Variants in EYS observed in about 807,000 individuals in gnomAD.
The protein encoded by EYS is protein eyes shut homolog.
Under a neutral mutation model 282.1 loss-of-function variants are expected in EYS, and 250 were observed. The ratio of observed to expected loss-of-function variants is 0.89; its 90% CI spans 0.80 to 0.98. EYS has a LOEUF of 0.98. Ranked by LOEUF, EYS falls within the 50% of genes least tolerant of loss-of-function variation. The pLI is 0.00. For missense variants in EYS, 4,016 were observed against 3,709.0 expected (o/e 1.08, Z -2.15); for synonymous variants, 1,355 against 1,282.9 (o/e 1.06, Z -1.20).
rs541639540 is a variant in EYS, at chr6:64,755,415, C to A, written c.3443+57963G>T. On this transcript the variant is annotated intron_variant, in intron 22 of 42. Transcript: ENST00000503581. ...TATTGATTTTCAAGGAATTGAAAGT[C>A]CTGAAATTCTTATGGAACCAAAACA... 4.0e-5 allele frequency among the ~76,000 whole-genome samples: 6 copies of A among 151,472 alleles called. No individual in the cohort carries two copies. The East Asian group carries it at 1.2e-3, about 30-fold the overall frequency.
At chr6:64,843,251 C>T (rs1261924770) in intron 19 of EYS, among the ~76,000 whole-genome samples, 1 of 152,094 alleles carries the variant, frequency 6.6e-6, no homozygotes, top group Non-Finnish European at 1.5e-5. Flanking sequence ...ACCCCCCACA[C>T]AGAACCCATA....
chr6:65,487,094 T>C (rs1437157602), intron 5 of EYS, among the ~76,000 whole-genome samples: 1 of 152,204 alleles, frequency 6.6e-6, no homozygotes, highest in Admixed American at 6.5e-5. Flanking sequence ...TGGGGTTTTC[T>C]AGATATACAA....
chr6:64,076,612 G>C (rs1771779133), intron 32 of EYS, among the ~76,000 whole-genome samples: 1 of 151,782 alleles, frequency 6.6e-6, no homozygotes, highest in South Asian at 2.1e-4. Flanking sequence ...CCTTTTGCTT[G>C]GCTGTCATTC....
At chr6:65,607,647 A>T (rs1200755785) in intron 2 of EYS, among the ~76,000 whole-genome samples, 3 of 131,184 alleles carry the variant, frequency 2.3e-5, no homozygotes, top group South Asian at 2.3e-4. Context: ...ATATGCAGTT[A>T]TCTGAGATAA....
chr6:64,144,017 G>A (rs1404277607), intron 31 of EYS, among the ~76,000 whole-genome samples: 1 of 152,144 alleles, frequency 6.6e-6, no homozygotes, highest in African/African-American at 2.4e-5. Flanking sequence ...ACAGTTTTCA[G>A]AAGTGTGTTA....
At chr6:64,013,107 G>T (rs1001416067) in intron 33 of EYS, among the ~76,000 whole-genome samples, 6 of 152,070 alleles carry the variant, frequency 3.9e-5, no homozygotes, top group South Asian at 2.1e-4. Context: ...GTGATGTACT[G>T]ATATTAAAAA....
chr6:63,938,392 G>A (rs1345837018), intron 35 of EYS, among the ~76,000 whole-genome samples: 1 of 152,122 alleles, frequency 6.6e-6, no homozygotes, highest in Non-Finnish European at 1.5e-5. Context: ...AAGGAAACAG[G>A]GCTCTGCAGA....
rs563563678 is a variant in EYS, at chr6:64,783,032, A to G, written c.3443+30346T>C. On this transcript the variant is annotated intron_variant, in intron 22 of 42. Coordinates refer to ENST00000503581, the MANE Select transcript of EYS (RefSeq NM_001142800.2). ...GCTTAGTAGTGTGATGAAATCGTGC[A>G]CTGCCCTGTTTAGTCCTGTCTGGGA... Among the ~76,000 whole-genome samples, 27 of 152,274 alleles carry G rather than the reference A, an allele frequency of 1.8e-4. No individual in the cohort carries two copies. The South Asian group carries it at 5.6e-3, about 32-fold the overall frequency.
chr6:63,999,280 G>T (rs1767972520), intron 33 of EYS, 97 bp from the exon 34 acceptor site: 3 of 776,566 alleles, frequency 3.9e-6, no homozygotes, highest in Non-Finnish European at 6.7e-6. Context: ...ATTGAGAGAG[G>T]TACTTTCTGG....
Position 63,997,407 on chromosome 6 carries a change from T to C in EYS, c.6834+1668A>G, listed in dbSNP as rs113922729. 1.3e-4 allele frequency among the ~76,000 whole-genome samples: 20 copies of C among 152,276 alleles called. 1 individual carries two copies. Among genetic ancestry groups the C allele is most frequent in the African/African-American group, 4.8e-4 (20 of 41,552 alleles). On this transcript the variant is annotated intron_variant, in intron 34 of 42. Coordinates refer to ENST00000503581, the MANE Select transcript of EYS (RefSeq NM_001142800.2). Reference sequence around the variant, plus strand: ...TCCACAAGCGTGACCAAATTGAGCTTTGGGGTTAACACAAGTTAGAAGGTA... The same window carrying C: ...TCCACAAGCGTGACCAAATTGAGCTCTGGGGTTAACACAAGTTAGAAGGTA...
intron 26 of EYS, among the ~76,000 whole-genome samples, chr6:64,536,188 C>T (rs910174889): frequency 6.6e-6 from 1 of 151,894 alleles, no homozygotes; most frequent in Non-Finnish European, 1.5e-5. Flanking sequence ...ACTATATTAA[C>T]TAATGATAAA....
At chr6:64,171,724 T>TA (rs1235841844) in intron 31 of EYS, among the ~76,000 whole-genome samples, 4 of 152,106 alleles carry the variant, frequency 2.6e-5, no homozygotes, top group East Asian at 1.9e-4. Context: ...CTCCATAGAT[T>TA]AAAAAAAAGT....
intron 12 of EYS, among the ~76,000 whole-genome samples, chr6:65,275,996 C>CAA (rs1485474496): frequency 6.7e-6 from 1 of 148,650 alleles, no homozygotes; most frequent in African/African-American, 2.4e-5. Flanking sequence ...ACAAAACAAA[C>CAA]AAACAAACAA....
At chr6:64,575,577 A>G (rs1286345864) in intron 26 of EYS, among the ~76,000 whole-genome samples, 2 of 152,118 alleles carry the variant, frequency 1.3e-5, no homozygotes, top group African/African-American at 4.8e-5. Context: ...GATCTAGAGA[A>G]GCATTGGAAG....
intron 29 of EYS, among the ~76,000 whole-genome samples, chr6:64,338,052 C>A (rs1484916191): frequency 6.6e-6 from 1 of 151,956 alleles, no homozygotes; most frequent in African/African-American, 2.4e-5. Flanking sequence ...TGAAAACATT[C>A]TCTCTGAGAA....
chr6:65,126,477 A>G (rs1775721026), intron 12 of EYS, among the ~76,000 whole-genome samples: 1 of 152,134 alleles, frequency 6.6e-6, no homozygotes, highest in African/African-American at 2.4e-5. Context: ...ATCACGTCTA[A>G]TTCTTTGTTG....
chr6:63,789,190 C>G lies in EYS; in HGVS notation c.7446G>C (p.Leu2482=), dbSNP rs1562026948. 6.4e-7 allele frequency: 1 copy of G among 1,551,884 alleles called. No homozygotes were observed. The highest frequency in any genetic ancestry group is 8.7e-7 in the Non-Finnish European group (1 of 1,146,978). The change falls in exon 38 of 43, where the codon CTG becomes CTC. Residue 2482 remains leucine (L), a synonymous_variant. Transcript: ENST00000503581. The stretch of plus-strand genomic sequence containing the variant: ...AACTATAAACCACACTGCCATTGAG[C>G]AGGCCCACAGCCAGGAAGTCATCGC... ...LNGDDFLAVG[L]LNGSVVYSYN... is the part of the protein sequence containing the mutation.
chr6:63,977,098 T>C (rs1422249915), intron 35 of EYS, among the ~76,000 whole-genome samples: 2 of 151,726 alleles, frequency 1.3e-5, no homozygotes, highest in African/African-American at 4.8e-5. Flanking sequence ...TACACAATAA[T>C]TGTGTAAAGG....
intron 35 of EYS, among the ~76,000 whole-genome samples, chr6:63,929,045 T>G (rs1483133049): frequency 6.6e-6 from 1 of 152,148 alleles, no homozygotes; most frequent in Non-Finnish European, 1.5e-5. Context: ...TTCTATTGAG[T>G]CCTGGAAAGA....
Sources: gnomAD v4.1 joint callset for allele counts (sites outside exome capture counted in the v4.1 genomes callset) on GRCh38, gnomAD v4.1.1 for gene constraint, MANE v1.5 for transcripts, NCBI Gene and HGNC (gene_info 2026-07-23, HGNC 2026-07-21) for gene names.